VPS13A: variants seen among roughly 807,000 people sequenced by gnomAD.
VPS13A encodes the protein intermembrane lipid transfer protein VPS13A.
A neutral mutation model predicts 390.9 loss-of-function variants in VPS13A; 264 were observed. The observed-to-expected ratio is 0.68, with a 90% CI of 0.61 to 0.75. The LOEUF is 0.75. Ranked by LOEUF, VPS13A falls within the 30% of genes least tolerant of loss-of-function variation. VPS13A has a pLI of 0.00. For synonymous variants in VPS13A, 1,231 were observed against 1,227.1 expected, an observed-to-expected ratio of 1.00 and a Z score of -0.07; for missense variants, 3,409 against 3,733.9, an observed-to-expected ratio of 0.91 and a Z score of 2.27.
intron 42 of VPS13A, among the ~76,000 whole-genome samples, 161 bp from the exon 43 acceptor site, chr9:77,321,008 C>G (rs1829711551): frequency 6.6e-6 from 1 of 151,824 alleles, no homozygotes; most frequent in South Asian, 2.1e-4. Flanking sequence ...CCTTTATGAC[C>G]TTAGTTGGCT....
chr9:77,345,148 A>G lies in VPS13A; in HGVS notation c.7289+6A>G, dbSNP rs200517634. 1.2e-6 allele frequency: 2 copies of G among 1,612,508 alleles called. No individual in the cohort carries two copies. The highest frequency in any genetic ancestry group is 1.1e-5 in the South Asian group (1 of 91,064). On this transcript the variant is annotated splice_donor_region_variant and intron_variant, in intron 52 of 71. Transcript: ENST00000360280. ...CTTGTTCAATACAATCAAAGGTAAG[A>G]TTATCACAAATACAGTAACTCTTGA...
At position 77,378,473 on chromosome 9, in the gene VPS13A, A is replaced by G. The variant is rs543210792; in HGVS notation, c.9078-3503A>G. Among the ~76,000 whole-genome samples, 18 of 152,080 alleles carry G rather than the reference A, an allele frequency of 1.2e-4. No individual in the cohort carries two copies. In the South Asian group the frequency reaches 3.7e-3, roughly 32 times the overall value. Reference sequence around the variant, plus strand: ...TATTTACTAGTATTCTCATATAATTATTTTTCCCTTATATAGTATTTATTC... The same window carrying G: ...TATTTACTAGTATTCTCATATAATTGTTTTTCCCTTATATAGTATTTATTC... On this transcript the variant is annotated intron_variant, in intron 67 of 71. Transcript: ENST00000360280.
chr9:77,406,960 C>T (rs1239854420), intron 70 of VPS13A, among the ~76,000 whole-genome samples: 1 of 152,138 alleles, frequency 6.6e-6, no homozygotes, highest in Non-Finnish European at 1.5e-5. Flanking sequence ...CAATACTAAA[C>T]ATAATACCAA....
intron 5 of VPS13A, among the ~76,000 whole-genome samples, chr9:77,207,769 T>C (rs1251972690): frequency 6.6e-6 from 1 of 152,202 alleles, no homozygotes; most frequent in Admixed American, 6.5e-5. Context: ...TCTTGTGTTA[T>C]CTTCCTCTCT....
intron 32 of VPS13A, 117 bp from the exon 33 acceptor site, chr9:77,295,425 T>A (rs1348266515): frequency 4.8e-6 from 4 of 840,148 alleles, no homozygotes; most frequent in Non-Finnish European, 6.8e-6. Context: ...TAAATAATGC[T>A]TGGTTGTATC....
chr9:77,414,673 G>A (rs1461593980), intron 71 of VPS13A, among the ~76,000 whole-genome samples: 1 of 151,454 alleles, frequency 6.6e-6, no homozygotes, highest in African/African-American at 2.4e-5. Flanking sequence ...ACACCAACAT[G>A]GCACATATAT....
At chr9:77,329,214 C>T (rs971084591) in intron 45 of VPS13A, among the ~76,000 whole-genome samples, 1 of 152,168 alleles carries the variant, frequency 6.6e-6, no homozygotes, top group Non-Finnish European at 1.5e-5. Context: ...AGTATTCTTC[C>T]TGTCAGCAAT....
chr9:77,207,213 T>TTATATATATATATA lies in VPS13A; in HGVS notation c.385+1161_385+1174dup, dbSNP rs61703004. Among the ~76,000 whole-genome samples the TTATATATATATATA allele has an allele frequency of 4.3e-3, 186 of 43,060 alleles. 3 individuals are homozygous for TTATATATATATATA. The highest frequency in any genetic ancestry group is 0.017 in the East Asian group (15 of 908). The allele number at this position is 43,060 out of a possible 152,430, so 28.2% of individuals were successfully genotyped here. On this transcript the variant is annotated intron_variant, in intron 5 of 71. Coordinates refer to ENST00000360280, the MANE Select transcript of VPS13A (RefSeq NM_033305.3). ...CTCTGTGTCTTGATTTATTTAGATA[T>TTATATATATATATA]TATATATATATATATATATATATAT... is the stretch of plus-strand genomic sequence containing the variant.
intron 31 of VPS13A, among the ~76,000 whole-genome samples, chr9:77,284,952 G>C (rs1827248950): frequency 6.6e-6 from 1 of 151,972 alleles, no homozygotes; most frequent in African/African-American, 2.4e-5. Flanking sequence ...TGGTCTGCCT[G>C]TCCCGGCCTC....
intron 31 of VPS13A, among the ~76,000 whole-genome samples, chr9:77,284,568 T>C (rs1219882365): frequency 2.6e-5 from 4 of 152,154 alleles, no homozygotes; most frequent in African/African-American, 9.7e-5. Flanking sequence ...ATCAGAGTAT[T>C]TAAGAAATAG....
intron 1 of VPS13A, among the ~76,000 whole-genome samples, chr9:77,197,745 CA>C (rs1825086342): frequency 6.6e-6 from 1 of 151,962 alleles, no homozygotes; most frequent in African/African-American, 2.4e-5. Flanking sequence ...ACACATAGCC[CA>C]AAGATAATTT....
At chr9:77,402,845 A>T (rs915989170) in intron 68 of VPS13A, among the ~76,000 whole-genome samples, 3 of 152,204 alleles carry the variant, frequency 2.0e-5, no homozygotes, top group Non-Finnish European at 4.4e-5. Context: ...CTAATAAGTA[A>T]TTTATGTGAT....
At chr9:77,391,850 A>C (rs758893045) in intron 68 of VPS13A, among the ~76,000 whole-genome samples, 1 of 152,244 alleles carries the variant, frequency 6.6e-6, no homozygotes, top group African/African-American at 2.4e-5. Flanking sequence ...GTTTATATGA[A>C]TACAAAGAAA....
At chr9:77,369,484 T>A in intron 63 of VPS13A, 72 bp downstream of exon 63, 3 of 1,018,628 alleles carry the variant, frequency 2.9e-6, no homozygotes, top group South Asian at 1.3e-5. Flanking sequence ...TTTCTATTGT[T>A]AAGTTGAGTT....
intron 61 of VPS13A, 74 bp from the exon 62 acceptor site, chr9:77,367,981 A>G: frequency 7.7e-7 from 1 of 1,302,962 alleles, no homozygotes; most frequent in Non-Finnish European, 1.1e-6. Context: ...TAAAGAAAAT[A>G]AAGCCACTCA....
chr9:77,392,585 C>G lies in VPS13A; in HGVS notation c.9189+10498C>G, dbSNP rs576426841. Among the ~76,000 whole-genome samples, 53 of 152,082 alleles carry G rather than the reference C, an allele frequency of 3.5e-4. 1 individual carries two copies. In the South Asian group the frequency reaches 7.9e-3, roughly 23 times the overall value. On this transcript the variant is annotated intron_variant, in intron 68 of 71. Transcript: ENST00000360280. ...CCATACCTCAGAGATACTGCACGTTCAGTTCCAGACCACCAGAATAAAGCG... is the reference window on the plus strand; with the variant it reads ...CCATACCTCAGAGATACTGCACGTTGAGTTCCAGACCACCAGAATAAAGCG...
chr9:77,275,168 G>C (rs1826573019), intron 24 of VPS13A, among the ~76,000 whole-genome samples: 1 of 151,944 alleles, frequency 6.6e-6, no homozygotes, highest in Admixed American at 6.6e-5. Flanking sequence ...TATAATCATC[G>C]GCATTGGCAT....
At chr9:77,312,064 A>T (rs558858757) in intron 35 of VPS13A, among the ~76,000 whole-genome samples, 1 of 152,184 alleles carries the variant, frequency 6.6e-6, no homozygotes, top group Non-Finnish European at 1.5e-5. Flanking sequence ...AATAAGTTTT[A>T]AAATCAAAGA....
At chr9:77,304,999 T>C (rs951852510) in intron 34 of VPS13A, among the ~76,000 whole-genome samples, 1 of 151,134 alleles carries the variant, frequency 6.6e-6, no homozygotes, top group Non-Finnish European at 1.5e-5. Flanking sequence ...AGTGCAGTGG[T>C]GCAATCTCAG....
Sources: gnomAD v4.1 joint callset for allele counts (sites outside exome capture counted in the v4.1 genomes callset) on GRCh38, gnomAD v4.1.1 for gene constraint, MANE v1.5 for transcripts, NCBI Gene and HGNC (gene_info 2026-07-23, HGNC 2026-07-21) for gene names.